Variants in UVSSA observed in about 807,000 individuals in gnomAD.
UVSSA encodes the protein UV stimulated scaffold protein A, also known as UV-stimulated scaffold protein A.
UVSSA carries 72 observed loss-of-function variants against 73.9 expected under a neutral mutation model. That is an observed-to-expected ratio of 0.97 (90% confidence interval 0.81 to 1.19). The LOEUF (loss-of-function observed/expected upper bound fraction) is 1.19. UVSSA is among the 50% of genes most tolerant of loss of function. UVSSA has a pLI of 0.00. For missense variants in UVSSA, 1,150 were observed against 965.0 expected, an observed-to-expected ratio of 1.19 and a Z score of -2.54; for synonymous variants, 454 against 391.3, an observed-to-expected ratio of 1.16 and a Z score of -1.89.
chr4:1,375,450 T>C lies in UVSSA; in HGVS notation c.1375T>C (p.Ser459Pro), dbSNP rs774152363. 7.4e-6 allele frequency: 12 copies of C among 1,613,046 alleles called. No individual in the cohort carries two copies. Among genetic ancestry groups the C allele is most frequent in the Non-Finnish European group, 8.5e-6 (10 of 1,179,990 alleles). ...GGACGAGGAGGTGTCGGACCCCACC[T>C]CTGCGGCTGCTCAGCTGCGGCAGCT... is the stretch of plus-strand genomic sequence containing the variant. ...RMDEEVSDPT[S>P]AAAQLRQLRD... Residue 459 changes from serine to proline, a missense_variant, in exon 9 of 14, where the codon TCT becomes CCT. By Grantham distance (74) the Ser-to-Pro change is moderately conservative (BLOSUM62 -1). Coordinates refer to ENST00000389851, the MANE Select transcript of UVSSA (RefSeq NM_020894.4).
chr4:1,342,144 A>C (rs575419916), upstream of UVSSA, among the ~76,000 whole-genome samples: 31 of 152,358 alleles, frequency 2.0e-4, no homozygotes, highest in Non-Finnish European at 2.6e-4. Context: ...GAACTGAGTC[A>C]TGGTGTGTTT....
chr4:1,358,011 C>G (rs1224300417), intron 7 of UVSSA: 1 of 152,334 alleles, frequency 6.6e-6, no homozygotes, highest in Non-Finnish European at 1.5e-5. Context: ...TTCTGAGTGA[C>G]TCTCACATGA....
intron 7 of UVSSA, 145 bp from the exon 8 acceptor site, chr4:1,366,175 T>C (rs1427050754): frequency 1.5e-6 from 1 of 665,786 alleles, no homozygotes; most frequent in Non-Finnish European, 2.7e-6. Flanking sequence ...CGATCTTAAA[T>C]GCAGTCCAAC....
At chr4:1,388,907 A>G (rs573827203), downstream of UVSSA, 4 of 151,956 alleles carry the variant, frequency 2.6e-5, no homozygotes, top group South Asian at 6.2e-4. Context: ...TCTTTTTGTG[A>G]TGTCTTTAGC....
At chr4:1,348,045 A>G (rs1713985181) in intron 1 of UVSSA, 45 bp from the exon 2 acceptor site, 2 of 1,489,122 alleles carry the variant, frequency 1.3e-6, no homozygotes, top group African/African-American at 2.8e-5. Context: ...CGAGAGCTAT[A>G]AAATACAGAT....
rs780135108 is a variant in UVSSA, at chr4:1,380,159, G to C, written c.1681G>C (p.Glu561Gln). The change falls in exon 11 of 14, where the codon GAG (glutamate) becomes CAG (glutamine). Residue 561 changes from glutamate to glutamine, a missense_variant. By Grantham distance (29) the Glu-to-Gln change is conservative. Transcript: ENST00000389851. ...SRHITFAGKF[E>Q]PVQHWCRAPR... ...CCACATCACTTTTGCCGGGAAGTTT[G>C]AGCCTGTGCAGCACTGGTGCCGTGC... 6 of 1,613,110 alleles carry C rather than the reference G, an allele frequency of 3.7e-6. No individual in the cohort carries two copies. The Admixed American group carries it at 5.0e-5, about 13-fold the overall frequency.
chr4:1,345,986 G>A (rs59391666), upstream of UVSSA, among the ~76,000 whole-genome samples: 298 of 152,222 alleles, frequency 2.0e-3, 3 homozygotes, highest in African/African-American at 6.9e-3. Flanking sequence ...GGGAGGGTCT[G>A]GCTGCAGCTT....
chr4:1,376,279 C>T, intron 10 of UVSSA, 111 bp downstream of exon 10: 1 of 1,404,356 alleles, frequency 7.1e-7, no homozygotes, highest in Non-Finnish European at 9.3e-7. Flanking sequence ...CTGGCCCTGC[C>T]TCCCAGCTCT....
At chr4:1,371,901 C>T (rs892310725) in intron 8 of UVSSA, among the ~76,000 whole-genome samples, 5 of 152,192 alleles carry the variant, frequency 3.3e-5, no homozygotes, top group African/African-American at 7.2e-5. Flanking sequence ...ACCCGTGATA[C>T]GGCTCATTCT....
At position 1,387,374 on chromosome 4, in the gene UVSSA, C is replaced by G. The variant is rs1325919382; in HGVS notation, c.*1413C>G. 1 of 152,218 alleles carries G rather than the reference C, an allele frequency of 6.6e-6. No individual in the cohort carries two copies. Among genetic ancestry groups the G allele is most frequent in the African/African-American group, 2.4e-5 (1 of 41,442 alleles). The allele number at this position is 152,218 out of a possible 1,614,324, so 9.4% of individuals were successfully genotyped here. ...TACAGGTGTGAGCCACCGCACTCAG[C>G]TGATTTGCAAAAACTTTCTTCCATA... On this transcript the variant is annotated 3_prime_UTR_variant, in exon 14 of 14. Transcript: ENST00000389851.
chr4:1,380,098 G>A lies in UVSSA; in HGVS notation c.1620G>A (p.Val540=), dbSNP rs556780300. The A allele has an allele frequency of 2.5e-5, 40 of 1,612,448 alleles. No individual in the cohort carries two copies. The African/African-American group carries it at 4.5e-4, about 18-fold the overall frequency. ...FWKPSEVEEE[V]VNADISEMLR... ...AGCCCAGCGAGGTGGAGGAGGAAGT[G>A]GTCAATGCCGACATCTCCGAGATGC... Residue 540 remains valine (V), a synonymous_variant, in exon 11 of 14, where the codon GTG becomes GTA. Coordinates refer to ENST00000389851, the MANE Select transcript of UVSSA (RefSeq NM_020894.4).
chr4:1,348,225 C>G, intron 2 of UVSSA, 36 bp downstream of exon 2: 1 of 1,515,582 alleles, frequency 6.6e-7, no homozygotes, highest in Non-Finnish European at 9.1e-7. Context: ...AACTGACTGG[C>G]CCACTGAGCC....
At chr4:1,376,218 A>C (rs1191801514) in intron 10 of UVSSA, 50 bp downstream of exon 10, 3 of 1,551,680 alleles carry the variant, frequency 1.9e-6, no homozygotes, top group African/African-American at 1.4e-5. Flanking sequence ...CCAGGGTCCC[A>C]GCCTGAGGAG....
intron 10 of UVSSA, among the ~76,000 whole-genome samples, chr4:1,378,593 G>A (rs912863658): frequency 6.6e-6 from 1 of 152,182 alleles, no homozygotes; most frequent in African/African-American, 2.4e-5. Flanking sequence ...GGAGTAGAGG[G>A]AAGCATCCCT....
chr4:1,352,500 G>A (rs984751236), intron 4 of UVSSA, among the ~76,000 whole-genome samples: 41 of 152,230 alleles, frequency 2.7e-4, no homozygotes, highest in African/African-American at 9.2e-4. Flanking sequence ...TGGCATGAAC[G>A]AGGCTGTTTT....
exon 14 of UVSSA, chr4:1,394,737 C>T (rs1560500991): frequency 1.1e-5 from 17 of 1,587,520 alleles, no homozygotes; most frequent in Admixed American, 1.7e-5. Flanking sequence ...GGAGTGCCCA[C>T]CTGCTCATGT....
In UVSSA at chr4:1,395,800, G is replaced by A. The variant is rs115679864; in HGVS notation, c.*9839G>A. ...TCTACTCATGGTGGCTTTTTAATAC[G>A]TTTTTATGTCAAGGATCCCTTTTAT... On this transcript the variant is annotated 3_prime_UTR_variant, in exon 14 of 14. Coordinates refer to the UVSSA transcript ENST00000511216. 2.1e-4 allele frequency: 331 copies of A among 1,614,148 alleles called. 2 individuals carry two copies. The African/African-American group carries it at 3.5e-3, about 17-fold the overall frequency.
In UVSSA at chr4:1,383,847, G is replaced by A; in HGVS notation, c.1943G>A (p.Gly648Asp). The change falls in exon 13 of 14, where the codon GGC becomes GAC. Residue 648 changes from glycine to aspartate, a missense_variant. Transcript: ENST00000389851. ...GGCTCATCCAGGTACAGCGGGAAAG[G>A]CAGGGGGAAGAAGAGGAGGTACCCC... is the stretch of plus-strand genomic sequence containing the variant. Reference protein sequence around the residue: ...DLGSSRYSGKGRGKKRRYPSL... With the variant: ...DLGSSRYSGKDRGKKRRYPSL... The A allele has an allele frequency of 3.1e-6, 5 of 1,613,608 alleles. No homozygotes were observed. The highest frequency in any genetic ancestry group is 1.7e-4 in the Middle Eastern group (1 of 6,060).
At chr4:1,345,289 AAG>A (rs1290622152), upstream of UVSSA, among the ~76,000 whole-genome samples, 1 of 152,022 alleles carries the variant, frequency 6.6e-6, no homozygotes, top group African/African-American at 2.4e-5. Context: ...GAGTGAGAGG[AAG>A]AGAGAAGCCC....
Sources: allele counts gnomAD v4.1 joint callset (sites outside exome capture counted in the v4.1 genomes callset), GRCh38; gene constraint gnomAD v4.1.1; transcripts MANE v1.5; gene names NCBI Gene and HGNC (gene_info 2026-07-23, HGNC 2026-07-21).